PTX3: variants seen among roughly 807,000 people sequenced by gnomAD.
PTX3 encodes the protein pentraxin-related protein PTX3.
In PTX3, 24 loss-of-function variants were observed where a neutral mutation model predicts 23.5. That is an observed-to-expected ratio of 1.02 (90% CI 0.74 to 1.43). PTX3 has a LOEUF of 1.43. Among genes scored for constraint, PTX3 ranks in the 40% most tolerant of loss-of-function variants. The probability of loss-of-function intolerance (pLI) is 0.00; values close to 1 mark genes in which losing one functional copy is unlikely to be tolerated. For missense variants in PTX3, 510 were observed against 497.5 expected, an observed-to-expected ratio of 1.02 and a Z score of -0.24; for synonymous variants, 218 against 205.4, an observed-to-expected ratio of 1.06 and a Z score of -0.53.
chr3:157,439,256 AT>A (rs769825473), intron 2 of PTX3, among the ~76,000 whole-genome samples: 1 of 152,190 alleles, frequency 6.6e-6, no homozygotes, highest in African/African-American at 2.4e-5. Flanking sequence ...GAATTACTCT[AT>A]TTTTTATCTT....
chr3:157,437,476 G>A, intron 1 of PTX3, 37 bp from the exon 2 acceptor site: 1 of 1,575,634 alleles, frequency 6.3e-7, no homozygotes, highest in Non-Finnish European at 8.6e-7. Context: ...AGGCAGGCCT[G>A]GGCGGGCTGC....
rs1246565611 is a variant in PTX3 at position 157,437,567 on chromosome 3, T to G, written c.185T>G (p.Met62Arg). The G allele has an allele frequency of 6.2e-7, 1 of 1,601,750 alleles. No homozygotes were observed. The highest frequency in any genetic ancestry group is 8.5e-7 in the Non-Finnish European group (1 of 1,175,612). Residue 62 changes from methionine (M) to arginine (R), a missense_variant, in exon 2 of 3, where the codon ATG becomes AGG. Physicochemically the swap from Met to Arg is moderately conservative, Grantham distance 91 (BLOSUM62 -1). Coordinates refer to ENST00000295927, the MANE Select transcript of PTX3 (RefSeq NM_002852.4). ...TCGGAATGGGACAAGCTCTTCATCA[T>G]GCTGGAGAACTCGCAGATGAGAGAG... ...EHSEWDKLFI[M>R]LENSQMRERM...
intron 2 of PTX3, among the ~76,000 whole-genome samples, chr3:157,438,386 G>C (rs1197429949): frequency 2.0e-5 from 3 of 152,036 alleles, no homozygotes; most frequent in Admixed American, 1.3e-4. Context: ...CAGGGCCCAG[G>C]CTAACGTTTA....
intron 2 of PTX3, among the ~76,000 whole-genome samples, chr3:157,438,175 G>A (rs896967939): frequency 8.6e-5 from 13 of 152,036 alleles, no homozygotes; most frequent in African/African-American, 3.1e-4. Context: ...CCTAAAGAGA[G>A]TTGTGGAGGT....
Position 157,437,855 on chromosome 3 carries a change from A to T in PTX3, c.473A>T (p.Gln158Leu). 1 of 1,498,288 alleles carries T rather than the reference A, an allele frequency of 6.7e-7. No homozygotes were observed. Among genetic ancestry groups the T allele is most frequent in the Non-Finnish European group, 8.8e-7 (1 of 1,133,174 alleles). The allele number at this position is 1,498,288 out of a possible 1,614,324, so 92.8% of individuals were successfully genotyped here. ...GCCGCGGTGCTAGAGGAGCTGCGGC[A>T]GACGCGAGCCGACCTGCACGCGGTG... ...ALAAVLEELRQTRADLHAVQG... is the reference protein window; with the variant it reads ...ALAAVLEELRLTRADLHAVQG... The change falls in exon 2 of 3, where the codon CAG (glutamine) becomes CTG (leucine). Residue 158 changes from glutamine to leucine, a missense_variant. By Grantham distance (113) the Gln-to-Leu change is moderately radical. Coordinates refer to ENST00000295927, the MANE Select transcript of PTX3 (RefSeq NM_002852.4).
At chr3:157,438,020 A>AGC (rs113324549) in intron 2 of PTX3, 106 bp downstream of exon 2, 48,813 of 824,824 alleles carry the variant, frequency 0.059, 1,417 homozygotes, top group Admixed American at 0.16. Context: ...TTTCATGGGA[A>AGC]GCGCGCGCGC....
rs532972316 is a variant in PTX3 at position 157,442,536 on chromosome 3, G to A, written c.703G>A (p.Glu235Lys). The part of the protein sequence containing the change: ...FSYGTKRNPY[E>K]IQLYLSYQSI... Reference sequence around the variant, plus strand: ...CTATGGCACAAAGAGGAATCCATATGAAATCCAGCTGTATCTCAGCTACCA... The same window carrying A: ...CTATGGCACAAAGAGGAATCCATATAAAATCCAGCTGTATCTCAGCTACCA... Residue 235 changes from glutamate to lysine, a missense_variant, in exon 3 of 3, where the codon GAA (glutamate) becomes AAA (lysine). Coordinates refer to ENST00000295927, the MANE Select transcript of PTX3 (RefSeq NM_002852.4). 1.9e-6 allele frequency: 3 copies of A among 1,614,192 alleles called. No homozygotes were observed. The highest frequency in any genetic ancestry group is 2.5e-6 in the Non-Finnish European group (3 of 1,180,038).
In PTX3 at chr3:157,442,677, T is replaced by C. The variant is rs951755578; in HGVS notation, c.844T>C (p.Ser282Pro). The change falls in exon 3 of 3, where the codon TCC (serine) becomes CCC (proline). Residue 282 changes from serine (S) to proline (P), a missense_variant. Transcript: ENST00000295927. ...CTGGAATTCAGAGGAAGGGCTCACA[T>C]CCTTGTGGGTAAATGGTGAACTGGC... is the stretch of plus-strand genomic sequence containing the variant. ...GTWNSEEGLT[S>P]LWVNGELAAT... The C allele has an allele frequency of 3.1e-6, 5 of 1,614,192 alleles. No homozygotes were observed. The highest frequency in any genetic ancestry group is 3.3e-5 in the Admixed American group (2 of 60,016).
chr3:157,442,444 T>C lies in PTX3; in HGVS notation c.611T>C (p.Leu204Pro). ...GSVHPVRPMR[L>P]ESFSACIWVK... Reference sequence around the variant, plus strand: ...GTGCATCCAGTGAGACCAATGAGGCTTGAGTCTTTTAGTGCCTGCATTTGG... The same window carrying C: ...GTGCATCCAGTGAGACCAATGAGGCCTGAGTCTTTTAGTGCCTGCATTTGG... Residue 204 changes from leucine to proline, a missense_variant, in exon 3 of 3, where the codon CTT becomes CCT. Transcript: ENST00000295927. The C allele has an allele frequency of 6.2e-7, 1 of 1,614,236 alleles. No homozygotes were observed. Among genetic ancestry groups the C allele is most frequent in the Non-Finnish European group, 8.5e-7 (1 of 1,180,046 alleles).
In PTX3 at chr3:157,437,833, G is replaced by C. The variant is rs572907291; in HGVS notation, c.451G>C (p.Ala151Pro). 2 of 1,470,658 alleles carry C rather than the reference G, an allele frequency of 1.4e-6. No individual in the cohort carries two copies. The highest frequency in any genetic ancestry group is 2.7e-5 in the Admixed American group (1 of 36,402). 91.1% of individuals were successfully genotyped at this position (1,470,658 alleles called of 1,614,324 possible). The part of the protein sequence containing the change: ...RPEEAGRALA[A>P]VLEELRQTRA... ...AGAGGAGGCGGGGCGCGCCCTGGCCGCGGTGCTAGAGGAGCTGCGGCAGAC... is the reference window on the plus strand; with the variant it reads ...AGAGGAGGCGGGGCGCGCCCTGGCCCCGGTGCTAGAGGAGCTGCGGCAGAC... The change falls in exon 2 of 3, where the codon GCG (alanine) becomes CCG (proline). Residue 151 changes from alanine (A) to proline (P), a missense_variant. Physicochemically the swap from Ala to Pro is conservative, Grantham distance 27 (BLOSUM62 -1). Transcript: ENST00000295927.
rs1174894953 is a variant in PTX3, at chr3:157,443,576, T to C, written c.*597T>C. The C allele has an allele frequency of 6.6e-6, 1 of 152,640 alleles. No individual in the cohort carries two copies. Among genetic ancestry groups the C allele is most frequent in the East Asian group, 1.9e-4 (1 of 5,204 alleles). The allele number at this position is 152,640 out of a possible 1,614,324, so 9.5% of individuals were successfully genotyped here. ...GTAAAGCTCTACTGTAAATAAAATA[T>C]TTTATAAAACTAGCTCACGTCATTT... On this transcript the variant is annotated 3_prime_UTR_variant, in exon 3 of 3. Coordinates refer to ENST00000295927, the MANE Select transcript of PTX3 (RefSeq NM_002852.4).
rs1733634349 is a variant in PTX3, at chr3:157,436,961, GCT to G, written c.33_34del (p.Trp12ValfsTer10). On this transcript the variant is annotated frameshift_variant, in exon 1 of 3. Transcript: ENST00000295927. LOFTEE classifies it high-confidence loss of function. MHLLAILFC[A>X]LWSAVLAENS... Reference sequence around the variant, plus strand: ...GCATCTCCTTGCGATTCTGTTTTGTGCTCTCTGGTCTGCAGTGTTGGCCGAGA... The same window carrying G: ...GCATCTCCTTGCGATTCTGTTTTGTGCTCTGGTCTGCAGTGTTGGCCGAGA... The G allele has an allele frequency of 1.9e-6, 3 of 1,613,796 alleles. No individual in the cohort carries two copies. In the African/African-American group the frequency reaches 4.0e-5, roughly 22 times the overall value.
intron 2 of PTX3, among the ~76,000 whole-genome samples, chr3:157,439,640 G>A (rs1286947869): frequency 6.6e-6 from 1 of 152,222 alleles, no homozygotes; most frequent in Non-Finnish European, 1.5e-5. Context: ...GGGAAGCTGA[G>A]TCTCTGAGAT....
At chr3:157,441,681 G>C (rs968245553) in intron 2 of PTX3, among the ~76,000 whole-genome samples, 2 of 151,998 alleles carry the variant, frequency 1.3e-5, no homozygotes, top group Admixed American at 6.6e-5. Flanking sequence ...GCAGTGGTGT[G>C]CACCTGTAGT....
Position 157,442,842 on chromosome 3 carries a change from A to C in PTX3, c.1009A>C (p.Asn337His), listed in dbSNP as rs1209688854. The C allele has an allele frequency of 2.5e-6, 4 of 1,614,110 alleles. No homozygotes were observed. In the African/African-American group the frequency reaches 4.0e-5, roughly 16 times the overall value. ...CTTCTCTGGGAGACTCACAGGCTTC[A>C]ATATCTGGGATAGTGTTCTTAGCAA... ...LAFSGRLTGF[N>H]IWDSVLSNEE... Residue 337 changes from asparagine to histidine, a missense_variant, in exon 3 of 3, where the codon AAT becomes CAT. Transcript: ENST00000295927.
Position 157,442,669 on chromosome 3 carries a change from G to A in PTX3, c.836G>A (p.Gly279Glu). Reference protein sequence around the residue: ...HLCGTWNSEEGLTSLWVNGEL... With the variant: ...HLCGTWNSEEELTSLWVNGEL... The stretch of plus-strand genomic sequence containing the variant: ...TGCGGCACCTGGAATTCAGAGGAAG[G>A]GCTCACATCCTTGTGGGTAAATGGT... The change falls in exon 3 of 3, where the codon GGG becomes GAG. Residue 279 changes from glycine to glutamate, a missense_variant. Coordinates refer to ENST00000295927, the MANE Select transcript of PTX3 (RefSeq NM_002852.4). The A allele has an allele frequency of 6.2e-7, 1 of 1,614,214 alleles. No homozygotes were observed. Among genetic ancestry groups the A allele is most frequent in the Non-Finnish European group, 8.5e-7 (1 of 1,180,048 alleles).
rs984473486 is a variant in PTX3, at chr3:157,437,874, C to A, written c.492C>A (p.His164Gln). The A allele has an allele frequency of 1.1e-5, 17 of 1,504,548 alleles. No homozygotes were observed. The highest frequency in any genetic ancestry group is 1.5e-5 in the Non-Finnish European group (17 of 1,135,616). The allele number at this position is 1,504,548 out of a possible 1,614,324, so 93.2% of individuals were successfully genotyped here. ...EELRQTRADL[H>Q]AVQGWAARSW... is the part of the protein sequence containing the mutation. The stretch of plus-strand genomic sequence containing the variant: ...TGCGGCAGACGCGAGCCGACCTGCA[C>A]GCGGTGCAGGGCTGGGCTGCCCGGA... Residue 164 changes from histidine to glutamine, a missense_variant, in exon 2 of 3, where the codon CAC becomes CAA. By Grantham distance (24) the His-to-Gln change is conservative. Coordinates refer to ENST00000295927, the MANE Select transcript of PTX3 (RefSeq NM_002852.4).
rs750633744 is a variant in PTX3, at chr3:157,437,909, C to A, written c.527C>A (p.Pro176Gln). ...GGCTGGGCTGCCCGGAGCTGGCTGC[C>A]GGCAGGTAAGGAGGCAAGCGGGGCC... ...VQGWAARSWL[P>Q]AGCETAILFP... Residue 176 changes from proline (P) to glutamine (Q), a missense_variant, in exon 2 of 3, where the codon CCG becomes CAG. By Grantham distance (76) the Pro-to-Gln change is moderately conservative. Coordinates refer to ENST00000295927, the MANE Select transcript of PTX3 (RefSeq NM_002852.4). 1.6e-5 allele frequency: 25 copies of A among 1,524,904 alleles called. No individual in the cohort carries two copies. Among genetic ancestry groups the A allele is most frequent in the Non-Finnish European group, 2.1e-5 (24 of 1,144,044 alleles). 94.5% of individuals were successfully genotyped at this position (1,524,904 alleles called of 1,614,324 possible). A position where few individuals can be genotyped will look rare whatever the true frequency, so the allele number is the denominator to read the frequency against.
Position 157,442,397 on chromosome 3 carries a change from T to C in PTX3, c.564T>C (p.Arg188=), listed in dbSNP as rs757947292. The change falls in exon 3 of 3, where the codon CGT becomes CGC. Residue 188 remains arginine, a synonymous_variant. Coordinates refer to ENST00000295927, the MANE Select transcript of PTX3 (RefSeq NM_002852.4). ...GCETAILFPM[R]SKKIFGSVHP... is the part of the protein sequence containing the mutation. ...AAACAGCTATTTTATTCCCAATGCG[T>C]TCCAAGAAGATTTTTGGAAGCGTGC... 1.5e-5 allele frequency: 25 copies of C among 1,613,406 alleles called. No individual in the cohort carries two copies. The South Asian group carries it at 2.4e-4, about 16-fold the overall frequency.
Sources: allele counts gnomAD v4.1 joint callset (sites outside exome capture counted in the v4.1 genomes callset), GRCh38; gene constraint gnomAD v4.1.1; transcripts MANE v1.5; gene names NCBI Gene and HGNC (gene_info 2026-07-23, HGNC 2026-07-21).